Variants in MAOA observed in about 807,000 individuals in gnomAD.
MAOA encodes monoamine oxidase A, also known as amine oxidase [flavin-containing] A.
Under a neutral mutation model 42.0 loss-of-function variants are expected in MAOA, and 6 were observed. The ratio of observed to expected loss-of-function variants is 0.14; its 90% CI spans 0.08 to 0.28. The LOEUF (loss-of-function observed/expected upper bound fraction) is 0.28, where lower values mean the gene tolerates loss of function less well. Among genes scored for constraint, MAOA ranks in the 10% least tolerant of loss-of-function variants. The pLI, the probability that MAOA is intolerant of heterozygous loss-of-function variation, is 1.00. For missense variants in MAOA, 262 were observed against 422.3 expected (o/e 0.62, Z 3.33); for synonymous variants, 140 against 154.0 (o/e 0.91, Z 0.67).
chrX:43,743,925 C>T lies in MAOA; in HGVS notation c.1374+20C>T. 8.6e-7 allele frequency: 1 copy of T among 1,168,635 alleles called. No individual in the cohort carries two copies. Among genetic ancestry groups the T allele is most frequent in the Admixed American group, 2.6e-5 (1 of 38,886 alleles). ...AGGGAGGTAAGCAGGAAAGCCCAGG[C>T]TCTCTCCCTCCCGAGTCACGGCAAC... On this transcript the variant is annotated intron_variant, in intron 13 of 14. Coordinates refer to ENST00000338702, the MANE Select transcript of MAOA (RefSeq NM_000240.4).
intron 1 of MAOA, among the ~76,000 whole-genome samples, chrX:43,670,702 G>T (rs1265993922): frequency 9.7e-6 from 1 of 102,949 alleles, no homozygotes; most frequent in East Asian, 3.2e-4. Context: ...GCGGTGTTTG[G>T]TTTTTTGTCC....
intron 10 of MAOA, among the ~76,000 whole-genome samples, chrX:43,738,546 C>T (rs184948783): frequency 2.7e-5 from 3 of 111,804 alleles, no homozygotes; most frequent in African/African-American, 6.5e-5. Context: ...GCAGGCCTGG[C>T]GCATTGGCTC....
intron 2 of MAOA, among the ~76,000 whole-genome samples, chrX:43,687,034 TG>T (rs2033493393): frequency 9.0e-6 from 1 of 111,513 alleles, no homozygotes. Flanking sequence ...TTTTTCCTAA[TG>T]TGATTCATCC....
At chrX:43,703,078 C>G (rs1386445416) in intron 3 of MAOA, among the ~76,000 whole-genome samples, 1 of 111,602 alleles carries the variant, frequency 9.0e-6, no homozygotes, top group Non-Finnish European at 1.9e-5. Flanking sequence ...AAATACTATT[C>G]TGATGTTTAA....
intron 3 of MAOA, among the ~76,000 whole-genome samples, chrX:43,697,128 G>A (rs908031438): frequency 3.6e-5 from 4 of 112,506 alleles, no homozygotes; most frequent in Non-Finnish European, 5.6e-5. Context: ...CACAGAAAGA[G>A]TCTGAAGTTC....
intron 9 of MAOA, among the ~76,000 whole-genome samples, chrX:43,734,090 G>C (rs986101183): frequency 9.2e-6 from 1 of 108,574 alleles, no homozygotes; most frequent in Non-Finnish European, 1.9e-5. Flanking sequence ...TTCTTGCCCT[G>C]GGAGTTAGAT....
intron 5 of MAOA, among the ~76,000 whole-genome samples, chrX:43,718,765 G>T (rs2033765430): frequency 1.8e-5 from 2 of 110,684 alleles, no homozygotes; most frequent in Non-Finnish European, 3.8e-5. Context: ...AGATGGTGAG[G>T]TGGGATGGTA....
intron 5 of MAOA, among the ~76,000 whole-genome samples, chrX:43,717,678 G>T (rs1452204402): frequency 9.0e-6 from 1 of 111,242 alleles, no homozygotes; most frequent in Non-Finnish European, 1.9e-5. Context: ...GGTTGTGGGG[G>T]TCATGGTATC....
chrX:43,667,206 C>T (rs185051065), intron 1 of MAOA, among the ~76,000 whole-genome samples: 2 of 111,338 alleles, frequency 1.8e-5, no homozygotes, highest in African/African-American at 6.5e-5. Context: ...TGTGTAAAAG[C>T]ACTCCCCACT....
At chrX:43,732,534 T>A (rs1237132057) in intron 8 of MAOA, among the ~76,000 whole-genome samples, 165 bp from the exon 9 acceptor site, 1 of 92,743 alleles carries the variant, frequency 1.1e-5, no homozygotes, top group Non-Finnish European at 2.1e-5. Context: ...TAGACATCCT[T>A]ATATATTCAG....
chrX:43,679,120 A>G (rs1464563297), intron 1 of MAOA, among the ~76,000 whole-genome samples: 1 of 111,646 alleles, frequency 9.0e-6, no homozygotes, highest in Non-Finnish European at 1.9e-5. Context: ...TAAACTAAGA[A>G]TTTAAACTCT....
intron 5 of MAOA, among the ~76,000 whole-genome samples, chrX:43,719,346 T>G (rs754755596): frequency 9.0e-6 from 1 of 110,782 alleles, no homozygotes; most frequent in South Asian, 3.9e-4. Context: ...GATGGTATTT[T>G]CCTGGTGTGA....
At position 43,663,663 on chromosome X, in the gene MAOA, G is replaced by C. The variant is rs753862443; in HGVS notation, c.73+7249G>C. Reference sequence around the variant, plus strand: ...TAGATCTGCAGTAAACCTTATTATTGCTTTACTTTGAACGTTGATGCTCTA... The same window carrying C: ...TAGATCTGCAGTAAACCTTATTATTCCTTTACTTTGAACGTTGATGCTCTA... On this transcript the variant is annotated intron_variant, in intron 1 of 14. Transcript: ENST00000338702. 2.7e-5 allele frequency among the ~76,000 whole-genome samples: 3 copies of C among 111,963 alleles called. No homozygotes were observed. In the East Asian group the frequency reaches 8.4e-4, roughly 31 times the overall value.
At position 43,744,551 on chromosome X, in the gene MAOA, T is replaced by A. The variant is rs1454391067; in HGVS notation, c.*38T>A. 8.4e-7 allele frequency: 1 copy of A among 1,191,469 alleles called. No homozygotes were observed. Among genetic ancestry groups the A allele is most frequent in the Admixed American group, 2.2e-5 (1 of 45,991 alleles). On this transcript the variant is annotated 3_prime_UTR_variant, in exon 15 of 15. Transcript: ENST00000338702. Reference sequence around the variant, plus strand: ...ATGCTCTCTGCTCACTGGTTTTCAATACCACCAAGAGGAAAATATTGACAA... The same window carrying A: ...ATGCTCTCTGCTCACTGGTTTTCAAAACCACCAAGAGGAAAATATTGACAA...
At chrX:43,670,514 G>A (rs942584939) in intron 1 of MAOA, among the ~76,000 whole-genome samples, 2 of 106,406 alleles carry the variant, frequency 1.9e-5, no homozygotes, top group African/African-American at 6.9e-5. Context: ...AGTTACATAT[G>A]TATACATGTG....
intron 3 of MAOA, among the ~76,000 whole-genome samples, chrX:43,699,165 T>C (rs931496169): frequency 9.0e-6 from 1 of 111,149 alleles, no homozygotes; most frequent in Non-Finnish European, 1.9e-5. Flanking sequence ...AACATTCTCT[T>C]TATCAGTTCT....
At position 43,703,298 on chromosome X, in the gene MAOA, C is replaced by T. The variant is rs963899364; in HGVS notation, c.307-8574C>T. Among the ~76,000 whole-genome samples the T allele has an allele frequency of 6.3e-5, 7 of 111,831 alleles. No individual in the cohort carries two copies. In the Admixed American group the frequency reaches 6.6e-4, roughly 11 times the overall value. ...ACAGCTTAGCTGACAAGAAGTTCTGCTTTGCCCTTTGCCCCTCTCTACCTG... is the reference window on the plus strand; with the variant it reads ...ACAGCTTAGCTGACAAGAAGTTCTGTTTTGCCCTTTGCCCCTCTCTACCTG... On this transcript the variant is annotated intron_variant, in intron 3 of 14. Coordinates refer to ENST00000338702, the MANE Select transcript of MAOA (RefSeq NM_000240.4).
chrX:43,736,572 A>C (rs767396915), intron 10 of MAOA, among the ~76,000 whole-genome samples: 2 of 111,929 alleles, frequency 1.8e-5, no homozygotes, highest in Non-Finnish European at 3.8e-5. Flanking sequence ...AATGCTGTAG[A>C]AACCGAATCC....
At position 43,743,925 on chromosome X, in the gene MAOA, C is replaced by G. The variant is rs765174938; in HGVS notation, c.1374+20C>G. ...AGGGAGGTAAGCAGGAAAGCCCAGGCTCTCTCCCTCCCGAGTCACGGCAAC... is the reference window on the plus strand; with the variant it reads ...AGGGAGGTAAGCAGGAAAGCCCAGGGTCTCTCCCTCCCGAGTCACGGCAAC... On this transcript the variant is annotated intron_variant, in intron 13 of 14. Coordinates refer to ENST00000338702, the MANE Select transcript of MAOA (RefSeq NM_000240.4). The G allele has an allele frequency of 2.6e-6, 3 of 1,168,635 alleles. No homozygotes were observed. Among genetic ancestry groups the G allele is most frequent in the South Asian group, 3.8e-5 (2 of 52,771 alleles).
Sources: gnomAD v4.1 joint callset for allele counts (sites outside exome capture counted in the v4.1 genomes callset) on GRCh38, gnomAD v4.1.1 for gene constraint, MANE v1.5 for transcripts, NCBI Gene and HGNC (gene_info 2026-07-23, HGNC 2026-07-21) for gene names.